Variants in ERICH6B observed in about 807,000 individuals in gnomAD.
The protein encoded by ERICH6B is glutamate-rich protein 6B.
Under a neutral mutation model 80.0 loss-of-function variants are expected in ERICH6B, and 69 were observed. The ratio of observed to expected loss-of-function variants is 0.86; its 90% CI spans 0.71 to 1.05. The LOEUF (loss-of-function observed/expected upper bound fraction) is 1.05, where lower values mean the gene tolerates loss of function less well. ERICH6B is among the 50% of genes least tolerant of loss of function. The pLI is 0.00. For missense variants in ERICH6B, 754 were observed against 796.1 expected, an observed-to-expected ratio of 0.95 and a Z score of 0.64; for synonymous variants, 283 against 291.9, an observed-to-expected ratio of 0.97 and a Z score of 0.31.
Position 45,574,925 on chromosome 13 carries a change from C to T in ERICH6B, c.967G>A (p.Glu323Lys), listed in dbSNP as rs952845920. 6.4e-7 allele frequency: 1 copy of T among 1,550,544 alleles called. No homozygotes were observed. The highest frequency in any genetic ancestry group is 8.7e-7 in the Non-Finnish European group (1 of 1,146,464). The change falls in exon 8 of 15, where the codon GAG becomes AAG. Residue 323 changes from glutamate (E) to lysine (K), a missense_variant. Glu to Lys is a moderately conservative substitution (Grantham distance 56). Coordinates refer to ENST00000298738, the MANE Select transcript of ERICH6B (RefSeq NM_182542.3). ...CAAAAGTTCTCTTTAGAAGCAAACT[C>T]CAGGACTTTCGATTTTGGAAGGAGC... ...VQQKKEENVL[E>K]FASKENFWDG... is the part of the protein sequence containing the mutation.
chr13:45,560,507 G>A (rs1017468747), intron 11 of ERICH6B, among the ~76,000 whole-genome samples: 1 of 152,178 alleles, frequency 6.6e-6, no homozygotes, highest in Non-Finnish European at 1.5e-5. Flanking sequence ...GTTCTCTCTT[G>A]ATGTTGCACA....
chr13:45,590,573 T>A, intron 4 of ERICH6B, 76 bp downstream of exon 4: 2 of 1,398,566 alleles, frequency 1.4e-6, no homozygotes, highest in Non-Finnish European at 2.0e-6. Context: ...CCCTGTCCTG[T>A]GTTCTCCAAG....
intron 3 of ERICH6B, among the ~76,000 whole-genome samples, chr13:45,594,904 G>A (rs9562607): frequency 0.15 from 22,516 of 152,150 alleles, 2,075 homozygotes; most frequent in African/African-American, 0.24. Flanking sequence ...ATGCAGTCAC[G>A]ACATCAAGAG....
chr13:45,564,111 G>C (rs750680815), intron 9 of ERICH6B, among the ~76,000 whole-genome samples: 2 of 152,184 alleles, frequency 1.3e-5, no homozygotes, highest in Non-Finnish European at 2.9e-5. Context: ...TGCAAGTATG[G>C]CCCTATTATT....
chr13:45,564,759 G>A (rs1874842506), intron 9 of ERICH6B, among the ~76,000 whole-genome samples: 1 of 152,204 alleles, frequency 6.6e-6, no homozygotes, highest in Non-Finnish European at 1.5e-5. Flanking sequence ...AAAAAATAAG[G>A]ACCAAGGAAT....
At chr13:45,563,242 C>T (rs767491530) in intron 10 of ERICH6B, among the ~76,000 whole-genome samples, 6 of 152,114 alleles carry the variant, frequency 3.9e-5, no homozygotes, top group Non-Finnish European at 5.9e-5. Context: ...TGTGTTAGAT[C>T]CCTTACTGTG....
Position 45,596,855 on chromosome 13 carries a change from G to T in ERICH6B, c.151C>A (p.Pro51Thr), listed in dbSNP as rs1200929160. The T allele has an allele frequency of 2.6e-6, 4 of 1,551,742 alleles. No individual in the cohort carries two copies. Among genetic ancestry groups the T allele is most frequent in the Admixed American group, 2.0e-5 (1 of 51,006 alleles). ...TTGTCCTCCAGAGACTCTCCCTCTGGAGAAAATGGAGATTCATCCTGTAGA... is the reference window on the plus strand; with the variant it reads ...TTGTCCTCCAGAGACTCTCCCTCTGTAGAAAATGGAGATTCATCCTGTAGA... ...ESLQDESPFS[P>T]EGESLEDKEY... The change falls in exon 3 of 15, where the codon CCA becomes ACA. Residue 51 changes from proline to threonine, a missense_variant. Transcript: ENST00000298738.
At chr13:45,609,403 A>G (rs758226200) in intron 1 of ERICH6B, among the ~76,000 whole-genome samples, 1 of 151,994 alleles carries the variant, frequency 6.6e-6, no homozygotes, top group Non-Finnish European at 1.5e-5. Context: ...TTCTCCTCCA[A>G]TGTCATCTCT....
intron 1 of ERICH6B, 31 bp downstream of exon 1, chr13:45,615,654 G>A (rs1949923889): frequency 6.6e-6 from 1 of 152,494 alleles, no homozygotes; most frequent in South Asian, 2.1e-4. Context: ...AAGAGGAGGA[G>A]GAGCGCATTG....
Position 45,541,508 on chromosome 13 carries a change from A to G in ERICH6B, c.2045T>C (p.Met682Thr), listed in dbSNP as rs779016919. 11 of 1,552,052 alleles carry G rather than the reference A, an allele frequency of 7.1e-6. No individual in the cohort carries two copies. The African/African-American group carries it at 1.4e-4, about 19-fold the overall frequency. ...CATCTTCTTCAGGTACTTGTTGTCCATCAGTGATATACTGACGGCCTCTAT... is the reference window on the plus strand; with the variant it reads ...CATCTTCTTCAGGTACTTGTTGTCCGTCAGTGATATACTGACGGCCTCTAT... ...NFIEAVSISL[M>T]DNKYLKKMLS... Residue 682 changes from methionine (M) to threonine (T), a missense_variant, in exon 15 of 15, where the codon ATG becomes ACG. By Grantham distance (81) the Met-to-Thr change is moderately conservative. Coordinates refer to ENST00000298738, the MANE Select transcript of ERICH6B (RefSeq NM_182542.3).
rs1337669809 is a variant in ERICH6B at position 45,584,916 on chromosome 13, G to A, written c.856+2147C>T. On this transcript the variant is annotated intron_variant, in intron 5 of 14. Transcript: ENST00000298738. ...GGAAGACCGCTTTCCCCTCCTGCAC[G>A]GATGGTTTTCCTGCGTCCCTTTCCT... Among the ~76,000 whole-genome samples the A allele has an allele frequency of 2.6e-5, 4 of 152,256 alleles. No individual in the cohort carries two copies. The East Asian group carries it at 5.8e-4, about 22-fold the overall frequency.
chr13:45,545,583 T>TTTTTTG (rs1456539824), intron 13 of ERICH6B, among the ~76,000 whole-genome samples: 1 of 152,316 alleles, frequency 6.6e-6, no homozygotes, highest in South Asian at 2.1e-4. Context: ...CTAGATACCA[T>TTTTTTG]TTTTTGTTTT....
chr13:45,566,652 A>C (rs1057143046), intron 9 of ERICH6B, among the ~76,000 whole-genome samples: 2 of 152,236 alleles, frequency 1.3e-5, no homozygotes, highest in Non-Finnish European at 2.9e-5. Flanking sequence ...GGGGTTTGGG[A>C]ACCTCTGCCT....
At chr13:45,565,202 C>A (rs2137980907) in intron 9 of ERICH6B, among the ~76,000 whole-genome samples, 1 of 152,220 alleles carries the variant, frequency 6.6e-6, no homozygotes, top group South Asian at 2.1e-4. Flanking sequence ...CAGAGAAGCC[C>A]TGGGGGTCTC....
chr13:45,595,970 T>G (rs1324644239), intron 3 of ERICH6B, among the ~76,000 whole-genome samples: 1 of 152,168 alleles, frequency 6.6e-6, no homozygotes, highest in Non-Finnish European at 1.5e-5. Context: ...TCTAAAACAT[T>G]TGCAATGAAC....
intron 2 of ERICH6B, among the ~76,000 whole-genome samples, chr13:45,606,573 A>G: frequency 1.8e-5 from 1 of 55,328 alleles, no homozygotes; most frequent in Non-Finnish European, 3.0e-5. Context: ...TTTTTTTTGG[A>G]GACAGAGTCT....
At position 45,587,222 on chromosome 13, in the gene ERICH6B, C is replaced by A. The variant is rs1487905557; in HGVS notation, c.697G>T (p.Ala233Ser). The A allele has an allele frequency of 1.9e-6, 3 of 1,551,410 alleles. No homozygotes were observed. Among genetic ancestry groups the A allele is most frequent in the African/African-American group, 2.7e-5 (2 of 73,016 alleles). Residue 233 changes from alanine to serine, a missense_variant, in exon 5 of 15, where the codon GCT becomes TCT. Ala to Ser is a moderately conservative substitution (Grantham distance 99, BLOSUM62 1). Transcript: ENST00000298738. ...MLLRDARSPDAGPSQVTTFLT... is the reference protein window; with the variant it reads ...MLLRDARSPDSGPSQVTTFLT... ...AAGGTGGTCACCTGAGAGGGGCCAG[C>A]GTCTGGACTCCTGTCAGAGGGGAGA...
chr13:45,555,202 T>C (rs1874387147), intron 11 of ERICH6B, among the ~76,000 whole-genome samples: 1 of 151,988 alleles, frequency 6.6e-6, no homozygotes, highest in Admixed American at 6.6e-5. Context: ...CCAAGTAAGG[T>C]TTCTTTTATC....
rs149506203 is a variant in ERICH6B, at chr13:45,550,245, C to T, written c.1479G>A (p.Gly493=). 23,234 of 1,551,370 alleles carry T rather than the reference C, an allele frequency of 0.015. 287 individuals are homozygous for T. Among genetic ancestry groups the T allele is most frequent in the Middle Eastern group, 0.048 (289 of 5,992 alleles). ...KNVYQILFPD[G]TGQIHYPSGN... is the part of the protein sequence containing the mutation. ...TCTGTGGATACTGTATCTGGCCTGT[C>T]CCATCAGGAAAGAGAATTTGATAGA... The change falls in exon 12 of 15, where the codon GGG becomes GGA. Residue 493 remains glycine, a synonymous_variant. Transcript: ENST00000298738.
Sources: gnomAD v4.1 joint callset for allele counts (sites outside exome capture counted in the v4.1 genomes callset) on GRCh38, gnomAD v4.1.1 for gene constraint, MANE v1.5 for transcripts, NCBI Gene and HGNC (gene_info 2026-07-23, HGNC 2026-07-21) for gene names.